The following TMCO5A variants were observed in gnomAD, a reference collection of about 807,000 sequenced individuals.
The protein encoded by TMCO5A is transmembrane and coiled-coil domains 5A, also known as transmembrane and coiled-coil domain-containing protein 5A.
Under a neutral mutation model 42.3 loss-of-function variants are expected in TMCO5A, and 34 were observed. That is an observed-to-expected ratio of 0.80 (90% CI 0.61 to 1.07). The LOEUF is 1.07. TMCO5A is among the 50% of genes least tolerant of loss of function. TMCO5A has a pLI of 0.00. For missense variants in TMCO5A, 357 were observed against 327.9 expected, an observed-to-expected ratio of 1.09 and a Z score of -0.69; for synonymous variants, 131 against 115.6, an observed-to-expected ratio of 1.13 and a Z score of -0.86.
At chr15:37,960,814 T>A (rs1890405595) in intron 11 of TMCO5A, among the ~76,000 whole-genome samples, 1 of 152,112 alleles carries the variant, frequency 6.6e-6, no homozygotes, top group Non-Finnish European at 1.5e-5. Flanking sequence ...TGTTTGTTGG[T>A]CATTTGTATA....
At chr15:37,998,917 GT>G in the TMCO5A span, among the ~76,000 whole-genome samples, 1 of 151,768 alleles carries the variant, frequency 6.6e-6, no homozygotes, top group African/African-American at 2.4e-5. Flanking sequence ...TGTTGTTGTT[GT>G]TTTTTGAGAT....
chr15:37,976,262 C>T, the TMCO5A span, among the ~76,000 whole-genome samples: 1 of 151,336 alleles, frequency 6.6e-6, no homozygotes, highest in African/African-American at 2.4e-5. Context: ...AAAAAAAGAT[C>T]TTATTTTTTC....
the TMCO5A span, among the ~76,000 whole-genome samples, chr15:37,983,595 T>C: frequency 6.6e-6 from 1 of 152,154 alleles, no homozygotes; most frequent in Non-Finnish European, 1.5e-5. Context: ...ACTCATAGAA[T>C]TGGCAAGAAA....
Position 37,951,078 on chromosome 15 carries a change from A to C in TMCO5A, c.711A>C (p.Arg237Ser), listed in dbSNP as rs1317154645. 1.2e-6 allele frequency: 2 copies of C among 1,612,728 alleles called. No individual in the cohort carries two copies. The highest frequency in any genetic ancestry group is 2.7e-5 in the African/African-American group (2 of 74,800). ...TTTTCATCACCCTATTTTTCATCAG[A>C]CTGCTGAGCTACATGTTTTTTCATG... ...CLFFITLFFI[R>S]LLSYMFFHVR... Residue 237 changes from arginine (R) to serine (S), a missense_variant, in exon 12 of 12, where the codon AGA becomes AGC. Physicochemically the swap from Arg to Ser is moderately radical, Grantham distance 110. Coordinates refer to ENST00000319669, the MANE Select transcript of TMCO5A (RefSeq NM_152453.4).
the TMCO5A span, among the ~76,000 whole-genome samples, chr15:38,020,834 T>G: frequency 1.3e-5 from 2 of 152,124 alleles, no homozygotes; most frequent in African/African-American, 4.8e-5. Context: ...AAAATAATCA[T>G]AGTATTGCTT....
At chr15:38,011,996 T>C in the TMCO5A span, among the ~76,000 whole-genome samples, 3 of 151,912 alleles carry the variant, frequency 2.0e-5, no homozygotes, top group African/African-American at 4.8e-5. Context: ...CAGTGCCGGG[T>C]GCCTGTAGTC....
chr15:37,994,124 A>G, the TMCO5A span, among the ~76,000 whole-genome samples: 1 of 152,214 alleles, frequency 6.6e-6, no homozygotes, highest in Non-Finnish European at 1.5e-5. Context: ...TCTGCAGAGC[A>G]GAGGATCCAC....
the TMCO5A span, among the ~76,000 whole-genome samples, chr15:38,028,874 C>T: frequency 2.6e-5 from 4 of 152,220 alleles, no homozygotes; most frequent in East Asian, 7.7e-4. Flanking sequence ...CTAAAAACTA[C>T]TTCCTTGAGA....
At chr15:38,008,335 G>A in the TMCO5A span, among the ~76,000 whole-genome samples, 1 of 152,184 alleles carries the variant, frequency 6.6e-6, no homozygotes, top group African/African-American at 2.4e-5. Flanking sequence ...GTGGTACTCA[G>A]AGGGGAGCTA....
At chr15:38,000,092 T>G in the TMCO5A span, among the ~76,000 whole-genome samples, 1 of 152,168 alleles carries the variant, frequency 6.6e-6, no homozygotes, top group East Asian at 1.9e-4. Flanking sequence ...TGAGTAGAAT[T>G]GGTTTTAGAT....
intron 5 of TMCO5A, 118 bp from the exon 6 acceptor site, chr15:37,938,040 C>A: frequency 1.2e-6 from 1 of 826,778 alleles, no homozygotes; most frequent in Non-Finnish European, 1.9e-6. Flanking sequence ...AAATATCTAC[C>A]AAAGGACCAT....
chr15:37,938,255 G>A (rs186512176), intron 6 of TMCO5A, 26 bp downstream of exon 6: 2 of 1,540,732 alleles, frequency 1.3e-6, no homozygotes, highest in East Asian at 4.9e-5. Context: ...AATCCTAAAT[G>A]TGGTTGGGCT....
At chr15:38,036,783 A>G in the TMCO5A span, among the ~76,000 whole-genome samples, 6 of 152,080 alleles carry the variant, frequency 3.9e-5, no homozygotes, top group African/African-American at 1.4e-4. Flanking sequence ...ATATCATGGT[A>G]TAATTATGTG....
chr15:38,004,908 G>C, the TMCO5A span: 2 of 152,052 alleles, frequency 1.3e-5, no homozygotes, highest in African/African-American at 4.8e-5. Flanking sequence ...TTGTTCCTCT[G>C]GGGGGGTGTA....
At chr15:38,038,738 C>A in the TMCO5A span, among the ~76,000 whole-genome samples, 1 of 152,136 alleles carries the variant, frequency 6.6e-6, no homozygotes, top group Non-Finnish European at 1.5e-5. Flanking sequence ...ATGCTTGAAA[C>A]TTTTACTCTA....
chr15:37,983,212 A>G, the TMCO5A span, among the ~76,000 whole-genome samples: 4 of 152,152 alleles, frequency 2.6e-5, no homozygotes, highest in Non-Finnish European at 5.9e-5. Context: ...TGTTCCATTT[A>G]TGGGCACTTA....
chr15:38,010,156 G>A, the TMCO5A span, among the ~76,000 whole-genome samples: 3 of 151,858 alleles, frequency 2.0e-5, no homozygotes, highest in Non-Finnish European at 2.9e-5. Context: ...GGCGGATCAC[G>A]AGGTCAGGAG....
At chr15:37,936,099 G>C in intron 2 of TMCO5A, 1 of 419,640 alleles carries the variant, frequency 2.4e-6, no homozygotes, top group Admixed American at 4.3e-5. Flanking sequence ...CTTTGGAGGA[G>C]AAAGCCTGGG....
chr15:38,012,110 C>T, the TMCO5A span, among the ~76,000 whole-genome samples: 1 of 149,706 alleles, frequency 6.7e-6, no homozygotes, highest in African/African-American at 2.5e-5. Context: ...GGTGACAGAG[C>T]GAGACTCCGT....
Sources: allele counts gnomAD v4.1 joint callset (sites outside exome capture counted in the v4.1 genomes callset), GRCh38; gene constraint gnomAD v4.1.1; transcripts MANE v1.5; gene names NCBI Gene and HGNC (gene_info 2026-07-23, HGNC 2026-07-21).